Variants in REPS1 observed in about 807,000 individuals in gnomAD.
The protein encoded by REPS1 is ralBP1-associated Eps domain-containing protein 1.
Under a neutral mutation model 100.9 loss-of-function variants are expected in REPS1, and 39 were observed. That is an observed-to-expected ratio of 0.39 (90% CI 0.30 to 0.50). The LOEUF is 0.50. Among genes scored for constraint, REPS1 ranks in the 20% least tolerant of loss-of-function variants. The pLI, the probability that REPS1 is intolerant of heterozygous loss-of-function variation, is 0.86. For synonymous variants in REPS1, 324 were observed against 340.3 expected, an observed-to-expected ratio of 0.95 and a Z score of 0.53; for missense variants, 821 against 968.5, an observed-to-expected ratio of 0.85 and a Z score of 2.02.
chr6:138,979,198 C>CAAAAAAAAAAAAAAA (rs1277794755), intron 1 of REPS1, among the ~76,000 whole-genome samples: 2 of 91,798 alleles, frequency 2.2e-5, no homozygotes, highest in African/African-American at 5.1e-5. Flanking sequence ...AAAAAAAAAA[C>CAAAAAAAAAAAAAAA]AAAAAAAAAA....
At chr6:138,963,658 T>C (rs1001539417) in intron 1 of REPS1, among the ~76,000 whole-genome samples, 2 of 152,210 alleles carry the variant, frequency 1.3e-5, no homozygotes, top group Admixed American at 6.5e-5. Context: ...ATCTTCAGCA[T>C]TGAAGTACAC....
At chr6:138,942,433 T>A (rs944525973) in intron 7 of REPS1, among the ~76,000 whole-genome samples, 4 of 152,152 alleles carry the variant, frequency 2.6e-5, no homozygotes, top group African/African-American at 7.2e-5. Context: ...TTTATGTTTA[T>A]CTGATAATCG....
chr6:138,915,723 A>T, intron 14 of REPS1, 135 bp downstream of exon 14: 1 of 646,130 alleles, frequency 1.5e-6, no homozygotes. Flanking sequence ...CTGGGATTAC[A>T]GGCATGAGCA....
rs140498560 is a variant in REPS1, at chr6:138,917,675, T to G, written c.1529-48A>C. ...TTTAATAATAATCATTTCTTTACTTTTTGCTCTATCTACTCCAAACAAATA... is the reference window on the plus strand; with the variant it reads ...TTTAATAATAATCATTTCTTTACTTGTTGCTCTATCTACTCCAAACAAATA... On this transcript the variant is annotated intron_variant, in intron 12 of 19. Coordinates refer to ENST00000450536, the MANE Select transcript of REPS1 (RefSeq NM_001286611.2). The G allele has an allele frequency of 5.9e-5, 88 of 1,503,254 alleles. No homozygotes were observed. In the African/African-American group the frequency reaches 9.9e-4, roughly 17 times the overall value. 93.1% of individuals were successfully genotyped at this position (1,503,254 alleles called of 1,614,324 possible). A position where few individuals can be genotyped will look rare whatever the true frequency, so the allele number is the denominator to read the frequency against.
intron 1 of REPS1, chr6:138,951,150 A>C (rs1344701177): frequency 6.6e-6 from 1 of 152,384 alleles, no homozygotes; most frequent in Non-Finnish European, 1.5e-5. Flanking sequence ...ATCATGCCAT[A>C]GCACTCCAGC....
chr6:138,983,521 C>A (rs539574863), intron 1 of REPS1, among the ~76,000 whole-genome samples: 12 of 152,028 alleles, frequency 7.9e-5, no homozygotes, highest in Admixed American at 2.0e-4. Flanking sequence ...TTGCAAGAAT[C>A]AAATGAGTTC....
intron 1 of REPS1, among the ~76,000 whole-genome samples, chr6:138,971,419 T>C (rs919576290): frequency 1.3e-5 from 2 of 152,134 alleles, no homozygotes; most frequent in African/African-American, 2.4e-5. Flanking sequence ...GGGCCTCCAC[T>C]TGCAGCCAGG....
Position 138,969,269 on chromosome 6 carries a change from A to ATTTTTTTTTTTTTTTTTT in REPS1, c.153+18243_153+18260dup, listed in dbSNP as rs71013004. 1.3e-3 allele frequency among the ~76,000 whole-genome samples: 93 copies of ATTTTTTTTTTTTTTTTTT among 74,248 alleles called. 12 individuals carry two copies. Among genetic ancestry groups the ATTTTTTTTTTTTTTTTTT allele is most frequent in the East Asian group, 2.6e-3 (5 of 1,946 alleles). 48.7% of individuals were successfully genotyped at this position (74,248 alleles called of 152,430 possible). On this transcript the variant is annotated intron_variant, in intron 1 of 19. Transcript: ENST00000450536. ...ACACAATCTATGATACAAAGCTGTA[A>ATTTTTTTTTTTTTTTTTT]TTTTTTTTTTTTTTTTTTTTTTTTT...
At chr6:138,922,399 T>C (rs1443896238) in intron 10 of REPS1, among the ~76,000 whole-genome samples, 1 of 152,238 alleles carries the variant, frequency 6.6e-6, no homozygotes, top group Admixed American at 6.5e-5. Context: ...ACATTTTTCA[T>C]TACTGTAATA....
At chr6:138,983,265 A>T (rs768981255) in intron 1 of REPS1, among the ~76,000 whole-genome samples, 2 of 152,170 alleles carry the variant, frequency 1.3e-5, no homozygotes, top group Non-Finnish European at 2.9e-5. Flanking sequence ...CAGCCTGGCC[A>T]ATATGGTGAA....
At chr6:138,937,563 T>A (rs1048549681) in intron 8 of REPS1, among the ~76,000 whole-genome samples, 20 of 152,292 alleles carry the variant, frequency 1.3e-4, no homozygotes, top group Admixed American at 1.3e-3. Flanking sequence ...AGTTTGTAGA[T>A]CCATGCAACG....
chr6:138,930,184 C>T (rs1010788523), intron 8 of REPS1, 86 bp from the exon 9 acceptor site: 27 of 1,107,124 alleles, frequency 2.4e-5, no homozygotes, highest in East Asian at 1.3e-4. Context: ...AAAAGCCAAC[C>T]GATGATTTTC....
At chr6:138,916,031 C>G (rs1210482338) in intron 13 of REPS1, 55 bp from the exon 14 acceptor site, 1 of 1,284,416 alleles carries the variant, frequency 7.8e-7, no homozygotes, top group African/African-American at 1.5e-5. Flanking sequence ...GAGCTTTTTT[C>G]TTTTTAAACA....
At chr6:138,935,856 C>CGG (rs1449985583) in intron 8 of REPS1, among the ~76,000 whole-genome samples, 17 of 2,182 alleles carry the variant, frequency 7.8e-3, no homozygotes, top group Non-Finnish European at 0.013. Context: ...TCCATCTTGG[C>CGG]GGGGGGGGGG....
chr6:138,929,167 A>T (rs1562526962), intron 9 of REPS1: 2 of 152,244 alleles, frequency 1.3e-5, no homozygotes, highest in African/African-American at 4.8e-5. Context: ...AAAAAAAATA[A>T]GAAAAAAACG....
chr6:138,968,843 T>TA (rs998789169), intron 1 of REPS1, among the ~76,000 whole-genome samples: 4 of 151,790 alleles, frequency 2.6e-5, no homozygotes, highest in Non-Finnish European at 4.4e-5. Context: ...AGAACGGTGT[T>TA]AAAAAAAAAT....
At position 138,914,710 on chromosome 6, in the gene REPS1, G is replaced by C; in HGVS notation, c.1772C>G (p.Pro591Arg). ...VAHPPAVPPR[P>R]QPSQAPGPAV... ...TTGGAGAATTACCTGTGAGGGCTGT[G>C]GTCTTGGAGGCACTGCAGGAGGATG... The change falls in exon 15 of 20, where the codon CCA (proline) becomes CGA (arginine). Residue 591 changes from proline (P) to arginine (R), a missense_variant. By Grantham distance (103) the Pro-to-Arg change is moderately radical. Coordinates refer to ENST00000450536, the MANE Select transcript of REPS1 (RefSeq NM_001286611.2). 6.2e-7 allele frequency: 1 copy of C among 1,613,170 alleles called. No homozygotes were observed. Among genetic ancestry groups the C allele is most frequent in the Non-Finnish European group, 8.5e-7 (1 of 1,179,402 alleles).
chr6:138,987,539 C>A lies in REPS1; in HGVS notation c.144G>T (p.Val48=). The A allele has an allele frequency of 6.5e-7, 1 of 1,549,900 alleles. No homozygotes were observed. The highest frequency in any genetic ancestry group is 8.7e-7 in the Non-Finnish European group (1 of 1,146,342). Reference sequence around the variant, plus strand: ...CGGGACGCGACGTTACCTGTAGGACCACGTCGTTCGGCAGCTGCGCGGCCC... The same window carrying A: ...CGGGACGCGACGTTACCTGTAGGACAACGTCGTTCGGCAGCTGCGCGGCCC... ...LFRAAQLPND[V]VLQIMELCGA... The change falls in exon 1 of 20, where the codon GTG becomes GTT. Residue 48 remains valine (V), a synonymous_variant. Coordinates refer to ENST00000450536, the MANE Select transcript of REPS1 (RefSeq NM_001286611.2).
chr6:138,944,082 G>C (rs1392305641), intron 5 of REPS1, 67 bp from the exon 6 acceptor site: 2 of 1,438,570 alleles, frequency 1.4e-6, no homozygotes, highest in South Asian at 1.2e-5. Context: ...AAGATTGCTA[G>C]GTTATTTATC....
Sources: allele counts gnomAD v4.1 joint callset (sites outside exome capture counted in the v4.1 genomes callset), GRCh38; gene constraint gnomAD v4.1.1; transcripts MANE v1.5; gene names NCBI Gene and HGNC (gene_info 2026-07-23, HGNC 2026-07-21).